Variants in CELF5 observed in about 807,000 individuals in gnomAD.
CELF5 encodes CUG-BP and ETR-3 like factor 5.
CELF5 carries 6 observed loss-of-function variants against 54.9 expected under a neutral mutation model. The observed-to-expected ratio is 0.11, with a 90% CI of 0.06 to 0.22. CELF5 has a LOEUF of 0.22. CELF5 is among the 10% of genes least tolerant of loss of function. The pLI, the probability that CELF5 is intolerant of heterozygous loss-of-function variation, is 1.00. For missense variants in CELF5, 401 were observed against 678.6 expected (o/e 0.59, Z 4.54); for synonymous variants, 271 against 290.9 (o/e 0.93, Z 0.70).
intron 1 of CELF5, among the ~76,000 whole-genome samples, chr19:3,238,554 T>C (rs2145009634): frequency 6.6e-6 from 1 of 152,278 alleles, no homozygotes; most frequent in African/African-American, 2.4e-5. Flanking sequence ...TTCTGGGGAC[T>C]CCGGGTGTCC....
At chr19:3,233,702 G>A (rs750130317) in intron 1 of CELF5, among the ~76,000 whole-genome samples, 6 of 152,190 alleles carry the variant, frequency 3.9e-5, no homozygotes, top group Non-Finnish European at 7.4e-5. Flanking sequence ...GAAGAGGGCA[G>A]AGAGGGAGTC....
chr19:3,272,277 G>A (rs903753744), intron 2 of CELF5, among the ~76,000 whole-genome samples: 17 of 152,106 alleles, frequency 1.1e-4, no homozygotes, highest in African/African-American at 4.1e-4. Flanking sequence ...GCTGAGGCTG[G>A]AGAATTGCTT....
At position 3,286,005 on chromosome 19, in the gene CELF5, T is replaced by TGCA. The variant is rs762811444; in HGVS notation, c.1178_1180dup (p.Gln393dup). On this transcript the variant is annotated inframe_insertion, in exon 10 of 13. Transcript: ENST00000292672. ...AGCGTCCCCCAGCCGCCGCCCCTCC[T>TGCA]GCAGCAGCAGCAGCGAGAAGGTGAG... The TGCA allele has an allele frequency of 2.7e-5, 43 of 1,583,224 alleles. No homozygotes were observed. The highest frequency in any genetic ancestry group is 1.2e-4 in the Admixed American group (7 of 57,732).
chr19:3,292,582 C>G (rs1599493680), intron 11 of CELF5, among the ~76,000 whole-genome samples: 1 of 152,130 alleles, frequency 6.6e-6, no homozygotes, highest in East Asian at 1.9e-4. Flanking sequence ...CCACGCCTGG[C>G]CATGGGGTGG....
chr19:3,256,064 C>CAAAAAAAAAA (rs1555720976), intron 2 of CELF5, among the ~76,000 whole-genome samples: 1 of 139,618 alleles, frequency 7.2e-6, no homozygotes, highest in African/African-American at 2.7e-5. Flanking sequence ...GACCCTGTCT[C>CAAAAAAAAAA]AAAAAAAAAG....
At chr19:3,262,161 A>AGTAG (rs371034116) in intron 2 of CELF5, among the ~76,000 whole-genome samples, 4 of 151,964 alleles carry the variant, frequency 2.6e-5, no homozygotes, top group African/African-American at 7.2e-5. Flanking sequence ...CAGTCTCCCG[A>AGTAG]GTAGCTGGGA....
At chr19:3,276,021 G>GC (rs1430529877) in intron 4 of CELF5, 37 bp downstream of exon 4, 1 of 1,406,650 alleles carries the variant, frequency 7.1e-7, no homozygotes, top group Non-Finnish European at 9.6e-7. Flanking sequence ...TGCGAGAGGG[G>GC]CCGGGCTAGC....
At chr19:3,250,617 GA>G (rs2079635146) in intron 1 of CELF5, among the ~76,000 whole-genome samples, 4 of 152,082 alleles carry the variant, frequency 2.6e-5, no homozygotes, top group Non-Finnish European at 4.4e-5. Context: ...CTGTCCCCAT[GA>G]TACACTCAGT....
At chr19:3,260,197 A>G (rs1012392320) in intron 2 of CELF5, among the ~76,000 whole-genome samples, 2 of 151,886 alleles carry the variant, frequency 1.3e-5, no homozygotes, top group African/African-American at 4.8e-5. Context: ...GCTCACTGCA[A>G]CCTCCACGTC....
At chr19:3,235,019 C>A (rs1190278554) in intron 1 of CELF5, among the ~76,000 whole-genome samples, 1 of 152,098 alleles carries the variant, frequency 6.6e-6, no homozygotes, top group Non-Finnish European at 1.5e-5. Context: ...AAGCTGAAGT[C>A]CTCCCGTGAC....
In CELF5 at chr19:3,275,831, C is replaced by T; in HGVS notation, c.395-25C>T. 6.3e-7 allele frequency: 1 copy of T among 1,595,370 alleles called. No individual in the cohort carries two copies. The highest frequency in any genetic ancestry group is 8.6e-7 in the Non-Finnish European group (1 of 1,166,874). On this transcript the variant is annotated intron_variant, in intron 3 of 12. Transcript: ENST00000292672. The surrounding 1 kb of genome is among the most constrained non-coding windows in gnomAD (Gnocchi z 6.7). The stretch of plus-strand genomic sequence containing the variant: ...GCCCTCCCGGAGGCCGGGGACTCGG[C>T]TGAGGTGGGTGTCGCCGCCCACAGG...
intron 2 of CELF5, among the ~76,000 whole-genome samples, chr19:3,257,032 C>T (rs1286399527): frequency 6.6e-6 from 1 of 152,174 alleles, no homozygotes; most frequent in Non-Finnish European, 1.5e-5. Flanking sequence ...CCGTCCCGAA[C>T]TCCTGGGATC....
chr19:3,272,933 G>C (rs1384543162), intron 2 of CELF5, among the ~76,000 whole-genome samples: 1 of 152,068 alleles, frequency 6.6e-6, no homozygotes, highest in Non-Finnish European at 1.5e-5. Context: ...CTAGGACTTG[G>C]TATGTTGTGA....
In CELF5 at chr19:3,228,129, T is replaced by G. The variant is rs1471852044; in HGVS notation, c.259+3131T>G. ...TTTAAGAGAGAGAGAGAGAGAGAGA[T>G]GAGGACACAGAGAGAGAGAGAGAGA... On this transcript the variant is annotated intron_variant, in intron 1 of 12. Coordinates refer to ENST00000292672, the MANE Select transcript of CELF5 (RefSeq NM_021938.4). This position sits in a 1 kb window ranked among gnomAD's most constrained non-coding sequence, Gnocchi z 6.0. Among the ~76,000 whole-genome samples the G allele has an allele frequency of 3.0e-4, 40 of 133,830 alleles. No homozygotes were observed. The highest frequency in any genetic ancestry group is 8.5e-4 in the East Asian group (4 of 4,702). 87.8% of individuals were successfully genotyped at this position (133,830 alleles called of 152,430 possible).
At chr19:3,291,095 T>C (rs140993192) in intron 11 of CELF5, among the ~76,000 whole-genome samples, 363 of 137,432 alleles carry the variant, frequency 2.6e-3, no homozygotes, top group Non-Finnish European at 4.9e-3. Flanking sequence ...ACCCCATTTC[T>C]ACAAAAAATA....
At position 3,228,872 on chromosome 19, in the gene CELF5, C is replaced by T. The variant is rs1457658214; in HGVS notation, c.259+3874C>T. On this transcript the variant is annotated intron_variant, in intron 1 of 12. Coordinates refer to ENST00000292672, the MANE Select transcript of CELF5 (RefSeq NM_021938.4). The surrounding 1 kb of genome is among the most constrained non-coding windows in gnomAD (Gnocchi z 6.0). ...GCTGGGGGTGGCTGGCAGGGTTGGC[C>T]GGCGTGTGTGTGTGTGTGTGTGTGT... 4.5e-5 allele frequency among the ~76,000 whole-genome samples: 5 copies of T among 111,156 alleles called. No individual in the cohort carries two copies. In the East Asian group the frequency reaches 9.7e-4, roughly 22 times the overall value. The allele number at this position is 111,156 out of a possible 152,430, so 72.9% of individuals were successfully genotyped here. A position where few individuals can be genotyped will look rare whatever the true frequency, so the allele number is the denominator to read the frequency against.
Position 3,281,292 on chromosome 19 carries a change from C to T in CELF5, c.697C>T (p.Leu233=). 1 of 1,611,760 alleles carries T rather than the reference C, an allele frequency of 6.2e-7. No individual in the cohort carries two copies. The highest frequency in any genetic ancestry group is 8.5e-7 in the Non-Finnish European group (1 of 1,179,888). Residue 233 remains leucine (L), a synonymous_variant, in exon 6 of 13, where the codon CTG becomes TTG. Coordinates refer to ENST00000292672, the MANE Select transcript of CELF5 (RefSeq NM_021938.4). This position sits in a 1 kb window ranked among gnomAD's most constrained non-coding sequence, Gnocchi z 6.5. The stretch of plus-strand genomic sequence containing the variant: ...GCAGATGGTGGGCCAGCTGGGCATC[C>T]TGACGCCGTCCCTCACATTGCCCTT... ...MQQMVGQLGI[L]TPSLTLPFSP...
chr19:3,227,627 C>T (rs1178458084), intron 1 of CELF5, among the ~76,000 whole-genome samples: 3 of 152,058 alleles, frequency 2.0e-5, no homozygotes, highest in Non-Finnish European at 4.4e-5. Context: ...TCAGCTGGTA[C>T]CACCTCTAGC....
chr19:3,273,852 C>T lies in CELF5; in HGVS notation c.343-20C>T, dbSNP rs781476740. The stretch of plus-strand genomic sequence containing the variant: ...CCCCCACTGCTAAGCTTGACTTTTC[C>T]CTTCCCCCTCTCTCTGCAGATGGCG... On this transcript the variant is annotated intron_variant, in intron 2 of 12. Transcript: ENST00000292672. 1.2e-5 allele frequency: 20 copies of T among 1,610,776 alleles called. 1 individual carries two copies. In the South Asian group the frequency reaches 2.0e-4, roughly 16 times the overall value.
Sources: allele counts gnomAD v4.1 joint callset (sites outside exome capture counted in the v4.1 genomes callset), GRCh38; gene constraint gnomAD v4.1.1; non-coding constraint Gnocchi (gnomAD v3.1); transcripts MANE v1.5; gene names NCBI Gene and HGNC (gene_info 2026-07-23, HGNC 2026-07-21).